Variants in GPC6 observed in about 807,000 individuals in gnomAD.
GPC6 encodes the protein glypican-6.
In GPC6, 14 loss-of-function variants were observed where a neutral mutation model predicts 55.2. The ratio of observed to expected loss-of-function variants is 0.25; its 90% CI spans 0.17 to 0.40. GPC6 has a LOEUF of 0.40. GPC6 is among the 10% of genes least tolerant of loss of function. GPC6 has a pLI of 1.00. For missense variants in GPC6, 641 were observed against 708.5 expected, an observed-to-expected ratio of 0.90 and a Z score of 1.08; for synonymous variants, 278 against 259.6, an observed-to-expected ratio of 1.07 and a Z score of -0.68.
intron 1 of GPC6, among the ~76,000 whole-genome samples, chr13:93,501,378 A>G (rs1418899383): frequency 1.3e-5 from 2 of 152,126 alleles, no homozygotes; most frequent in African/African-American, 4.8e-5. Context: ...GTGGTGAGAA[A>G]ACTTCCTTCT....
At chr13:93,972,002 G>C (rs1261140475) in intron 3 of GPC6, among the ~76,000 whole-genome samples, 2 of 152,208 alleles carry the variant, frequency 1.3e-5, no homozygotes, top group Admixed American at 6.5e-5. Flanking sequence ...CTGATGTGCA[G>C]GACAGATCCA....
At chr13:94,062,787 T>G (rs564821205) in intron 4 of GPC6, among the ~76,000 whole-genome samples, 3 of 152,348 alleles carry the variant, frequency 2.0e-5, no homozygotes, top group Admixed American at 1.3e-4. Context: ...TATTTAAGCT[T>G]CTTCTGTTGG....
In GPC6 at chr13:93,364,443, C is replaced by G. The variant is rs897298419; in HGVS notation, c.160+136827C>G. On this transcript the variant is annotated intron_variant, in intron 1 of 8. Transcript: ENST00000377047. ...CAGCAACGTTAGTGTTTTCACCTTT[C>G]ATGAAGGAACTGTCATGTGAATAAA... 5.9e-5 allele frequency among the ~76,000 whole-genome samples: 9 copies of G among 152,052 alleles called. No homozygotes were observed. In the South Asian group the frequency reaches 1.9e-3, roughly 32 times the overall value.
At position 93,677,682 on chromosome 13, in the gene GPC6, C is replaced by A. The variant is rs74111526; in HGVS notation, c.319+132261C>A. On this transcript the variant is annotated intron_variant, in intron 2 of 8. Coordinates refer to ENST00000377047, the MANE Select transcript of GPC6 (RefSeq NM_005708.5). ...AATCACTTTTACTCTCTTTAATAAA[C>A]TGTCTGTCATTAATTATTGGTCACA... Among the ~76,000 whole-genome samples the A allele has an allele frequency of 2.9e-3, 435 of 152,150 alleles. 4 individuals are homozygous for A. Among genetic ancestry groups the A allele is most frequent in the African/African-American group, 9.7e-3 (401 of 41,522 alleles).
chr13:93,470,757 A>G (rs1879081427), intron 1 of GPC6, among the ~76,000 whole-genome samples: 1 of 151,688 alleles, frequency 6.6e-6, no homozygotes, highest in African/African-American at 2.4e-5. Context: ...TGCCAGTTAA[A>G]CTATATGGAA....
intron 4 of GPC6, among the ~76,000 whole-genome samples, chr13:94,126,795 C>G (rs1185210882): frequency 2.0e-5 from 3 of 152,152 alleles, no homozygotes; most frequent in African/African-American, 4.8e-5. Flanking sequence ...GAGCTTATTT[C>G]TCTCTTGAGG....
At chr13:94,384,933 T>G (rs1254139996) in intron 7 of GPC6, among the ~76,000 whole-genome samples, 1 of 152,168 alleles carries the variant, frequency 6.6e-6, no homozygotes. Context: ...GCAGTATGAT[T>G]AAGTACTCCC....
At chr13:94,281,547 A>C (rs540831469) in intron 4 of GPC6, among the ~76,000 whole-genome samples, 23 of 152,086 alleles carry the variant, frequency 1.5e-4, no homozygotes, top group Non-Finnish European at 2.8e-4. Context: ...CTTTTTCTCA[A>C]GAAGCAAATT....
chr13:93,250,128 C>G (rs190253535), intron 1 of GPC6, among the ~76,000 whole-genome samples: 117 of 152,300 alleles, frequency 7.7e-4, no homozygotes, highest in African/African-American at 2.5e-3. Flanking sequence ...CATCTGTAAA[C>G]AGGGGTAATA....
chr13:93,222,775 A>ACC (rs1875656748), upstream of GPC6, among the ~76,000 whole-genome samples: 7 of 152,202 alleles, frequency 4.6e-5, no homozygotes, highest in Admixed American at 4.6e-4. Context: ...CAGTAGAATA[A>ACC]CCAACTAACA....
intron 2 of GPC6, among the ~76,000 whole-genome samples, chr13:93,817,968 A>C (rs1886918290): frequency 6.8e-6 from 1 of 147,922 alleles, no homozygotes; most frequent in Non-Finnish European, 1.5e-5. Flanking sequence ...TATATATAAT[A>C]CATAAATATA....
In GPC6 at chr13:93,248,729, C is replaced by T. The variant is rs1393686788; in HGVS notation, c.160+21113C>T. Among the ~76,000 whole-genome samples the T allele has an allele frequency of 2.0e-5, 3 of 152,204 alleles. No individual in the cohort carries two copies. The South Asian group carries it at 6.2e-4, about 31-fold the overall frequency. On this transcript the variant is annotated intron_variant, in intron 1 of 8. Transcript: ENST00000377047. ...GGTGCCACGGATGCCCAGAAGGAGG[C>T]TCTGCTGCACAGCGCCAGCCTGTAG...
At chr13:93,272,490 GTGTATA>G (rs1290141466) in intron 1 of GPC6, among the ~76,000 whole-genome samples, 11 of 95,434 alleles carry the variant, frequency 1.2e-4, no homozygotes, top group East Asian at 2.5e-4. Context: ...CATTGTCTGT[GTGTATA>G]TATATATATA....
intron 1 of GPC6, chr13:93,395,344 G>T (rs1273416015): frequency 6.7e-6 from 3 of 449,454 alleles, no homozygotes; most frequent in Non-Finnish European, 1.3e-5. Context: ...CAACTTCACA[G>T]TTGTGTCCAT....
chr13:93,276,844 T>C (rs1481540600), intron 1 of GPC6, among the ~76,000 whole-genome samples: 1 of 152,158 alleles, frequency 6.6e-6, no homozygotes, highest in Non-Finnish European at 1.5e-5. Flanking sequence ...AGATGTGTGG[T>C]TCTTGTTTCT....
chr13:93,537,414 T>C (rs1198347488), intron 1 of GPC6, among the ~76,000 whole-genome samples: 1 of 152,208 alleles, frequency 6.6e-6, no homozygotes, highest in Non-Finnish European at 1.5e-5. Flanking sequence ...AAAGAATTAA[T>C]AGAAAATAAA....
intron 1 of GPC6, among the ~76,000 whole-genome samples, chr13:93,450,159 T>C (rs544959542): frequency 6.6e-6 from 1 of 152,292 alleles, no homozygotes; most frequent in Non-Finnish European, 1.5e-5. Flanking sequence ...TTTTCTCACT[T>C]CCAGTTAGTA....
intron 3 of GPC6, among the ~76,000 whole-genome samples, chr13:93,855,855 G>A (rs1302856125): frequency 5.3e-5 from 8 of 151,616 alleles, no homozygotes; most frequent in African/African-American, 1.2e-4. Context: ...GTGAGGTGTC[G>A]AAGTCTTTAG....
intron 6 of GPC6, among the ~76,000 whole-genome samples, chr13:94,313,729 G>A (rs1213282296): frequency 6.6e-6 from 1 of 152,102 alleles, no homozygotes; most frequent in African/African-American, 2.4e-5. Flanking sequence ...ATCATATTGG[G>A]GGCGATTTGT....
Sources: gnomAD v4.1 joint callset for allele counts (sites outside exome capture counted in the v4.1 genomes callset) on GRCh38, gnomAD v4.1.1 for gene constraint, MANE v1.5 for transcripts, NCBI Gene and HGNC (gene_info 2026-07-23, HGNC 2026-07-21) for gene names.